LOC128462377: variants seen among roughly 807,000 people sequenced by gnomAD.
the LOC128462377 span, among the ~76,000 whole-genome samples, chr16:89,387,246 T>A: frequency 6.7e-6 from 1 of 149,420 alleles, no homozygotes; most frequent in Non-Finnish European, 1.5e-5. Flanking sequence ...AAAAAAAGCA[T>A]CTCTCAAGGG....
At chr16:89,338,586 G>T in the LOC128462377 span, among the ~76,000 whole-genome samples, 1 of 151,752 alleles carries the variant, frequency 6.6e-6, no homozygotes, top group Non-Finnish European at 1.5e-5. Context: ...TTAGCTGGGC[G>T]TGGTGGCATG....
chr16:89,371,455 G>T, the LOC128462377 span, among the ~76,000 whole-genome samples: 1 of 152,192 alleles, frequency 6.6e-6, no homozygotes, highest in South Asian at 2.1e-4. Context: ...CCACAGAAGG[G>T]GCCGCTGACG....
At chr16:89,327,361 A>G in the LOC128462377 span, among the ~76,000 whole-genome samples, 3 of 152,336 alleles carry the variant, frequency 2.0e-5, no homozygotes, top group East Asian at 5.8e-4. Flanking sequence ...TGACATGATC[A>G]AGAGTGACGT....
chr16:89,361,504 G>A, the LOC128462377 span: 1 of 152,240 alleles, frequency 6.6e-6, no homozygotes, highest in African/African-American at 2.4e-5. Flanking sequence ...CATATCCCAA[G>A]CCATTAACAA....
chr16:89,405,993 T>A, the LOC128462377 span, among the ~76,000 whole-genome samples: 2 of 151,148 alleles, frequency 1.3e-5, no homozygotes, highest in Admixed American at 1.3e-4. Flanking sequence ...ACCTGCAATC[T>A]CGGCTACTCA....
chr16:89,394,119 G>A, the LOC128462377 span, among the ~76,000 whole-genome samples: 1 of 152,112 alleles, frequency 6.6e-6, no homozygotes, highest in Non-Finnish European at 1.5e-5. Flanking sequence ...CAGGTTCCAG[G>A]CAGGCTTCCC....
At chr16:89,412,795 A>G in the LOC128462377 span, among the ~76,000 whole-genome samples, 17 of 152,208 alleles carry the variant, frequency 1.1e-4, no homozygotes, top group Non-Finnish European at 2.1e-4. Flanking sequence ...GTAGTTAACA[A>G]AAGAAATACA....
At chr16:89,358,330 G>T in the LOC128462377 span, among the ~76,000 whole-genome samples, 1 of 152,200 alleles carries the variant, frequency 6.6e-6, no homozygotes, top group African/African-American at 2.4e-5. Flanking sequence ...CATATTCACG[G>T]GAGTGAACAT....
chr16:89,355,651 T>C, the LOC128462377 span, among the ~76,000 whole-genome samples: 515 of 152,174 alleles, frequency 3.4e-3, 1 homozygote, highest in African/African-American at 0.012. Context: ...CTCTTAAAAA[T>C]AAAGGGTTTC....
At chr16:89,334,556 G>A in the LOC128462377 span, among the ~76,000 whole-genome samples, 2 of 152,058 alleles carry the variant, frequency 1.3e-5, no homozygotes, top group Admixed American at 1.3e-4. Context: ...CAGTGGGCAT[G>A]CGGCATGCTA....
chr16:89,336,578 A>C, the LOC128462377 span, among the ~76,000 whole-genome samples: 1 of 152,192 alleles, frequency 6.6e-6, no homozygotes, highest in Non-Finnish European at 1.5e-5. Context: ...GTGGGAACCC[A>C]GCACTTCAAT....
the LOC128462377 span, among the ~76,000 whole-genome samples, chr16:89,366,545 G>A: frequency 2.0e-5 from 3 of 152,202 alleles, no homozygotes; most frequent in East Asian, 1.9e-4. Context: ...ATGGTGTCTC[G>A]CTGTGAGAAA....
the LOC128462377 span, among the ~76,000 whole-genome samples, chr16:89,417,612 C>G: frequency 6.6e-6 from 1 of 152,210 alleles, no homozygotes; most frequent in Non-Finnish European, 1.5e-5. Context: ...ACCATACACA[C>G]TGGTCTCCAG....
At chr16:89,391,505 TCA>T in the LOC128462377 span, among the ~76,000 whole-genome samples, 2 of 152,174 alleles carry the variant, frequency 1.3e-5, no homozygotes, top group Admixed American at 6.5e-5. Context: ...ACACAACTGG[TCA>T]CAGACGTCTT....
At chr16:89,370,718 C>G in the LOC128462377 span, 1 of 152,334 alleles carries the variant, frequency 6.6e-6, no homozygotes, top group Admixed American at 6.5e-5. Context: ...CAGAAGGGAG[C>G]TTTCATCACG....
chr16:89,362,498 C>T, the LOC128462377 span, among the ~76,000 whole-genome samples: 1 of 152,204 alleles, frequency 6.6e-6, no homozygotes, highest in Non-Finnish European at 1.5e-5. Context: ...GTGACTGAAC[C>T]CATGTGTCCA....
At chr16:89,363,913 C>T in the LOC128462377 span, among the ~76,000 whole-genome samples, 1 of 152,096 alleles carries the variant, frequency 6.6e-6, no homozygotes, top group Non-Finnish European at 1.5e-5. Context: ...AAAAAAATTA[C>T]CCAGGTATGA....
At chr16:89,328,634 A>C in the LOC128462377 span, among the ~76,000 whole-genome samples, 1 of 150,556 alleles carries the variant, frequency 6.6e-6, no homozygotes, top group Admixed American at 6.6e-5. Context: ...GGACACACCC[A>C]GGAGCACGGG....
At chr16:89,380,019 C>T in the LOC128462377 span, among the ~76,000 whole-genome samples, 2 of 152,190 alleles carry the variant, frequency 1.3e-5, no homozygotes, top group Non-Finnish European at 1.5e-5. Flanking sequence ...CAGTCCAGGT[C>T]CAAGTATCAA....
Sources: allele counts gnomAD v4.1 joint callset (sites outside exome capture counted in the v4.1 genomes callset), GRCh38; gene constraint gnomAD v4.1.1; transcripts MANE v1.5.